Variants in ERCC4 observed in about 807,000 individuals in gnomAD.
ERCC4 encodes DNA repair endonuclease XPF.
Under a neutral mutation model 76.9 loss-of-function variants are expected in ERCC4, and 65 were observed. The observed-to-expected ratio is 0.84, with a 90% CI of 0.69 to 1.04. ERCC4 has a LOEUF of 1.04. Ranked by LOEUF, ERCC4 falls within the 50% of genes least tolerant of loss-of-function variation. The probability of loss-of-function intolerance (pLI) is 0.00; values close to 1 mark genes in which losing one functional copy is unlikely to be tolerated. For missense variants in ERCC4, 1,214 were observed against 1,128.2 expected, an observed-to-expected ratio of 1.08 and a Z score of -1.09; for synonymous variants, 463 against 410.1, an observed-to-expected ratio of 1.13 and a Z score of -1.56.
In ERCC4 at chr16:13,949,925, A is replaced by G. The variant is rs2032599302; in HGVS notation, c.*1578A>G. ...TATTTGAACTAATAGACAGTGGATCATGTAACACAAAATTGTCTTCAACTT... is the reference window on the plus strand; with the variant it reads ...TATTTGAACTAATAGACAGTGGATCGTGTAACACAAAATTGTCTTCAACTT... On this transcript the variant is annotated 3_prime_UTR_variant, in exon 11 of 11. Coordinates refer to ENST00000311895, the MANE Select transcript of ERCC4 (RefSeq NM_005236.3). 1 of 231,880 alleles carries G rather than the reference A, an allele frequency of 4.3e-6. No homozygotes were observed. The allele number at this position is 231,880 out of a possible 1,614,324, so 14.4% of individuals were successfully genotyped here.
At chr16:13,926,497 A>T in intron 2 of ERCC4, 64 bp from the exon 3 acceptor site, 1 of 1,393,702 alleles carries the variant, frequency 7.2e-7, no homozygotes, top group Non-Finnish European at 1.0e-6. Context: ...CTTAAGAAAA[A>T]TGTGATGAAT....
intron 10 of ERCC4, among the ~76,000 whole-genome samples, chr16:13,946,293 G>A (rs1380675750): frequency 1.3e-5 from 2 of 152,196 alleles, no homozygotes; most frequent in Non-Finnish European, 2.9e-5. Flanking sequence ...GAACATCACA[G>A]AACGTGCTTA....
rs756785482 is a variant in ERCC4, at chr16:13,926,766, A to G, written c.584+10A>G. On this transcript the variant is annotated intron_variant, in intron 3 of 10. Transcript: ENST00000311895. ...TGTATCTGTGGCCAAGGTAAAGAAC[A>G]TTATGTGACAAATAATGATGACATT... 6.9e-6 allele frequency: 11 copies of G among 1,592,800 alleles called. No individual in the cohort carries two copies. The highest frequency in any genetic ancestry group is 8.6e-6 in the Non-Finnish European group (10 of 1,160,798).
In ERCC4 at chr16:13,947,784, A is replaced by T. The variant is rs1188679365; in HGVS notation, c.2188A>T (p.Ser730Cys). 6.2e-7 allele frequency: 1 copy of T among 1,614,128 alleles called. No individual in the cohort carries two copies. Among genetic ancestry groups the T allele is most frequent in the Non-Finnish European group, 8.5e-7 (1 of 1,180,042 alleles). Residue 730 changes from serine to cysteine, a missense_variant, in exon 11 of 11, where the codon AGT (serine) becomes TGT (cysteine). Ser to Cys is a moderately radical substitution (Grantham distance 112, BLOSUM62 -1). Coordinates refer to ENST00000311895, the MANE Select transcript of ERCC4 (RefSeq NM_005236.3). ...AATGTGCGTGGAGCGCAAGAGTATC[A>T]GTGATTTAATCGGCTCTTTAAATAA... The part of the protein sequence containing the change: ...PEMCVERKSI[S>C]DLIGSLNNGR...
At chr16:13,940,876 C>G (rs963694616) in intron 9 of ERCC4, among the ~76,000 whole-genome samples, 1 of 152,166 alleles carries the variant, frequency 6.6e-6, no homozygotes, top group African/African-American at 2.4e-5. Flanking sequence ...CAGCCCAGGC[C>G]TGCTGAGTTA....
At position 13,928,175 on chromosome 16, in the gene ERCC4, C is replaced by T. The variant is rs1386569359; in HGVS notation, c.732C>T (p.Asn244=). The change falls in exon 4 of 11, where the codon AAC becomes AAT. Residue 244 remains asparagine, a synonymous_variant. Transcript: ENST00000311895. ...GTCTAAAGGAACTAAAATGCCATAA[C>T]CCATCGCTTGAAGTGGAAGATTTAT... ...NACLKELKCH[N]PSLEVEDLSL... The T allele has an allele frequency of 1.2e-6, 2 of 1,613,716 alleles. No individual in the cohort carries two copies. The highest frequency in any genetic ancestry group is 1.1e-5 in the South Asian group (1 of 91,070).
chr16:13,937,977 T>C (rs1035280830), intron 9 of ERCC4, 119 bp downstream of exon 9: 5 of 723,270 alleles, frequency 6.9e-6, no homozygotes, highest in Admixed American at 4.0e-5. Context: ...GAGGATCACA[T>C]TGAGATAAAC....
At chr16:13,941,916 C>T (rs977427936) in intron 9 of ERCC4, among the ~76,000 whole-genome samples, 39 of 152,112 alleles carry the variant, frequency 2.6e-4, no homozygotes, top group African/African-American at 8.7e-4. Context: ...ATGTTGTACA[C>T]GGTATTCAAA....
At chr16:13,938,272 G>A (rs976029054) in intron 9 of ERCC4, among the ~76,000 whole-genome samples, 3 of 152,124 alleles carry the variant, frequency 2.0e-5, no homozygotes, top group African/African-American at 4.8e-5. Flanking sequence ...ATTGGGAAAT[G>A]CTTTTACAAC....
chr16:13,920,395 G>T (rs935566016), intron 1 of ERCC4, 23 bp downstream of exon 1: 4 of 1,542,974 alleles, frequency 2.6e-6, no homozygotes, highest in Non-Finnish European at 2.6e-6. Context: ...TGGCGCGGGA[G>T]TGAGGGGACT....
rs1156584314 is a variant in ERCC4, at chr16:13,950,909, A to G, written c.*2562A>G. The G allele has an allele frequency of 5.5e-6, 1 of 183,108 alleles. No individual in the cohort carries two copies. The allele number at this position is 183,108 out of a possible 1,614,324, so 11.3% of individuals were successfully genotyped here. On this transcript the variant is annotated 3_prime_UTR_variant, in exon 11 of 11. Transcript: ENST00000311895. ...AAATAACAGTCTTAAAAATTGCACT[A>G]ATACCAGTGCCCCCCTGGCTCTCCA...
rs1011502680 is a variant in ERCC4, at chr16:13,928,117, T to A, written c.674T>A (p.Ile225Lys). 5 of 1,613,082 alleles carry A rather than the reference T, an allele frequency of 3.1e-6. No homozygotes were observed. Among genetic ancestry groups the A allele is most frequent in the Non-Finnish European group, 4.2e-6 (5 of 1,179,222 alleles). ...HVSMTPTMLA[I>K]QTAILDILNA... is the part of the protein sequence containing the mutation. ...TCTATGACACCTACCATGCTTGCTATACAGACTGCTATACTGGACATTTTA... is the reference window on the plus strand; with the variant it reads ...TCTATGACACCTACCATGCTTGCTAAACAGACTGCTATACTGGACATTTTA... Residue 225 changes from isoleucine to lysine, a missense_variant, in exon 4 of 11, where the codon ATA (isoleucine) becomes AAA (lysine). By Grantham distance (102) the Ile-to-Lys change is moderately radical. Coordinates refer to ENST00000311895, the MANE Select transcript of ERCC4 (RefSeq NM_005236.3).
chr16:13,952,111 A>G lies in ERCC4; in HGVS notation c.*3764A>G, dbSNP rs1476019779. On this transcript the variant is annotated 3_prime_UTR_variant, in exon 11 of 11. Coordinates refer to ENST00000311895, the MANE Select transcript of ERCC4 (RefSeq NM_005236.3). The stretch of plus-strand genomic sequence containing the variant: ...TAAAGATGTATAAGCCAAAATTTGG[A>G]TGGGAGTGAGACATAACTGATTTAT... 1.6e-5 allele frequency: 3 copies of G among 192,732 alleles called. No homozygotes were observed. The highest frequency in any genetic ancestry group is 3.2e-5 in the Non-Finnish European group (3 of 92,498). 11.9% of individuals were successfully genotyped at this position (192,732 alleles called of 1,614,324 possible).
chr16:13,922,298 A>G (rs1312680084), intron 2 of ERCC4, 87 bp downstream of exon 2: 5 of 971,532 alleles, frequency 5.1e-6, no homozygotes, highest in Non-Finnish European at 8.0e-6. Flanking sequence ...TCTCCAGAGA[A>G]TAGTCTGTCT....
In ERCC4 at chr16:13,922,031, G is replaced by A. The variant is rs759518166; in HGVS notation, c.208G>A (p.Glu70Lys). 3 of 1,610,976 alleles carry A rather than the reference G, an allele frequency of 1.9e-6. No homozygotes were observed. Among genetic ancestry groups the A allele is most frequent in the Non-Finnish European group, 2.5e-6 (3 of 1,177,484 alleles). Reference protein sequence around the residue: ...LVLNTQPAEEEYFINQLKIEG... With the variant: ...LVLNTQPAEEKYFINQLKIEG... ...ACTAATCAAGTTTGATTTGATTTAG[G>A]AGTATTTTATCAATCAGCTGAAGAT... Residue 70 changes from glutamate to lysine, a missense_variant and splice_region_variant, in exon 2 of 11, where the codon GAG becomes AAG. Glu to Lys is a moderately conservative substitution (Grantham distance 56, BLOSUM62 1). Coordinates refer to ENST00000311895, the MANE Select transcript of ERCC4 (RefSeq NM_005236.3).
In ERCC4 at chr16:13,948,731, A is replaced by G. The variant is rs886051668; in HGVS notation, c.*384A>G. ...GGTGCAGGGAGGGAAAAGAGCAGGCACAAGAAAGCTACCATTTTTAACAGT... is the reference window on the plus strand; with the variant it reads ...GGTGCAGGGAGGGAAAAGAGCAGGCGCAAGAAAGCTACCATTTTTAACAGT... On this transcript the variant is annotated 3_prime_UTR_variant, in exon 11 of 11. Coordinates refer to ENST00000311895, the MANE Select transcript of ERCC4 (RefSeq NM_005236.3). 85 of 235,224 alleles carry G rather than the reference A, an allele frequency of 3.6e-4. No individual in the cohort carries two copies. Among genetic ancestry groups the G allele is most frequent in the Non-Finnish European group, 1.0e-4 (12 of 119,738 alleles). 14.6% of individuals were successfully genotyped at this position (235,224 alleles called of 1,614,324 possible). A position where few individuals can be genotyped will look rare whatever the true frequency, so the allele number is the denominator to read the frequency against.
At position 13,948,415 on chromosome 16, in the gene ERCC4, CATT is replaced by C. The variant is rs2032568686; in HGVS notation, c.*73_*75del. On this transcript the variant is annotated 3_prime_UTR_variant, in exon 11 of 11. Transcript: ENST00000311895. ...CGGCTCCTTGCCAGACATCATAGGTCATTATTAATTATTGGTTTGCTATTTCAT... is the reference window on the plus strand; with the variant it reads ...CGGCTCCTTGCCAGACATCATAGGTCATTAATTATTGGTTTGCTATTTCAT... 1 of 1,519,958 alleles carries C rather than the reference CATT, an allele frequency of 6.6e-7. No homozygotes were observed. 94.2% of individuals were successfully genotyped at this position (1,519,958 alleles called of 1,614,324 possible). A position where few individuals can be genotyped will look rare whatever the true frequency, so the allele number is the denominator to read the frequency against.
intron 4 of ERCC4, 34 bp from the exon 5 acceptor site, chr16:13,930,676 A>ATTTTT (rs1407680226): frequency 6.7e-7 from 1 of 1,493,126 alleles, no homozygotes; most frequent in Admixed American, 1.7e-5. Context: ...TACTTAACAT[A>ATTTTT]TTTTAGCAAT....
At chr16:13,929,981 A>C (rs1183606888) in intron 4 of ERCC4, among the ~76,000 whole-genome samples, 1 of 152,144 alleles carries the variant, frequency 6.6e-6, no homozygotes, top group East Asian at 1.9e-4. Context: ...AATAATAATA[A>C]TCAAACTTAG....
Sources: allele counts gnomAD v4.1 joint callset (sites outside exome capture counted in the v4.1 genomes callset), GRCh38; gene constraint gnomAD v4.1.1; transcripts MANE v1.5; gene names NCBI Gene and HGNC (gene_info 2026-07-23, HGNC 2026-07-21).